Variants in RBM18 observed in about 807,000 individuals in gnomAD.
RBM18 encodes probable RNA-binding protein 18.
In RBM18, 18 loss-of-function variants were observed where a neutral mutation model predicts 26.4. The ratio of observed to expected loss-of-function variants is 0.68; its 90% CI spans 0.47 to 1.01. The LOEUF is 1.01. Ranked by LOEUF, RBM18 falls within the 50% of genes least tolerant of loss-of-function variation. The pLI, the probability that RBM18 is intolerant of heterozygous loss-of-function variation, is 0.00. For synonymous variants in RBM18, 74 were observed against 81.1 expected (o/e 0.91, Z 0.47); for missense variants, 180 against 219.2 (o/e 0.82, Z 1.13).
rs1831525124 is a variant in RBM18 at position 122,247,599 on chromosome 9, TG to T, written c.245del (p.Ala82GlufsTer27). On this transcript the variant is annotated frameshift_variant, in exon 4 of 6. Coordinates refer to ENST00000417201, the MANE Select transcript of RBM18 (RefSeq NM_033117.4). LOFTEE classifies it high-confidence loss of function. ...CFVNFETKQE[A>X]EQAIQCLNGK... ...CATTGAGACACTGGATGGCTTGCTC[TG>T]CTTCCTGTCCAGGAAAGGGACAAAT... is the stretch of plus-strand genomic sequence containing the variant. 6.2e-7 allele frequency: 1 copy of T among 1,613,558 alleles called. No homozygotes were observed. Among genetic ancestry groups the T allele is most frequent in the Non-Finnish European group, 8.5e-7 (1 of 1,179,806 alleles).
In RBM18 at chr9:122,255,641, C is replaced by T. The variant is rs149834198; in HGVS notation, c.114-3668G>A. On this transcript the variant is annotated intron_variant, in intron 2 of 5. Transcript: ENST00000417201. ...CTTCCACTCCATTTCAATCACTTTC[C>T]TCATCTCTCAGACTCACTCATCAGT... Among the ~76,000 whole-genome samples, 430 of 152,284 alleles carry T rather than the reference C, an allele frequency of 2.8e-3. 4 individuals are homozygous for T. Among genetic ancestry groups the T allele is most frequent in the South Asian group, 0.019 (90 of 4,818 alleles).
rs34498348 is a variant in RBM18 at position 122,239,224 on chromosome 9, G to GT, written c.*2659dup. On this transcript the variant is annotated 3_prime_UTR_variant, in exon 6 of 6. Coordinates refer to ENST00000417201, the MANE Select transcript of RBM18 (RefSeq NM_033117.4). ...CTGATTTTTGACCTGTTTTGTTTTTGTTTTTTTTGAGACGGTGTCTCACTC... is the reference window on the plus strand; with the variant it reads ...CTGATTTTTGACCTGTTTTGTTTTTGTTTTTTTTTGAGACGGTGTCTCACTC... 0.26 allele frequency: 40,088 copies of GT among 151,404 alleles called. 5,560 individuals carry two copies. The highest frequency in any genetic ancestry group is 0.48 in the East Asian group (2,453 of 5,142). The allele number at this position is 151,404 out of a possible 1,614,324, so 9.4% of individuals were successfully genotyped here.
At chr9:122,248,992 G>C (rs1446291483) in intron 3 of RBM18, among the ~76,000 whole-genome samples, 1 of 152,202 alleles carries the variant, frequency 6.6e-6, no homozygotes, top group Non-Finnish European at 1.5e-5. Context: ...CAAAGCTAGA[G>C]TGACAGGTAA....
intron 2 of RBM18, among the ~76,000 whole-genome samples, chr9:122,259,175 A>C (rs373227382): frequency 5.3e-5 from 8 of 152,182 alleles, no homozygotes; most frequent in African/African-American, 1.4e-4. Context: ...CTTATGACAT[A>C]AACTGAGGTG....
At chr9:122,246,339 T>C (rs755105426) in intron 4 of RBM18, among the ~76,000 whole-genome samples, 9 of 151,922 alleles carry the variant, frequency 5.9e-5, no homozygotes, top group Non-Finnish European at 7.4e-5. Context: ...AAAAAGCAAA[T>C]ATAATATTGA....
Position 122,261,419 on chromosome 9 carries a change from T to C in RBM18, c.74A>G (p.His25Arg). 1.2e-6 allele frequency: 2 copies of C among 1,614,152 alleles called. No homozygotes were observed. The stretch of plus-strand genomic sequence containing the variant: ...GTCCAGGTTGCCAATCCATAATCGG[T>C]GTCCTTCCTGCAGAGAGCCCTCTGA... ...ILSEGSLQEG[H>R]RLWIGNLDPK... Residue 25 changes from histidine (H) to arginine (R), a missense_variant, in exon 2 of 6, where the codon CAC becomes CGC. Around this residue, in one of 3 missense-constraint regions of RBM18, gnomAD observed 49 missense variants for 56.6 expected, o/e 0.87. Transcript: ENST00000417201.
At chr9:122,258,431 G>A (rs781101384) in intron 2 of RBM18, among the ~76,000 whole-genome samples, 26 of 151,998 alleles carry the variant, frequency 1.7e-4, no homozygotes, top group Admixed American at 3.3e-4. Context: ...ACCACGCCTG[G>A]ATAATTTTTG....
chr9:122,251,916 G>C lies in RBM18; in HGVS notation c.171C>G (p.Leu57=), dbSNP rs1014927364. ...KFGKVKQFDF[L]FHKSGALEGQ... is the part of the protein sequence containing the mutation. ...CCTCCAAAGCACCTGACTTGTGGAA[G>C]AGGAAGTCAAACTGCTTTACCTTGC... Residue 57 remains leucine (L), a synonymous_variant, in exon 3 of 6, where the codon CTC becomes CTG. Transcript: ENST00000417201. The C allele has an allele frequency of 2.5e-6, 4 of 1,614,044 alleles. No individual in the cohort carries two copies. In the Admixed American group the frequency reaches 5.0e-5, roughly 20 times the overall value.
At chr9:122,253,531 G>A (rs143165480) in intron 2 of RBM18, among the ~76,000 whole-genome samples, 402 of 152,264 alleles carry the variant, frequency 2.6e-3, no homozygotes, top group African/African-American at 9.3e-3. Context: ...GACACCTTAA[G>A]TGCAAATGTG....
intron 1 of RBM18, among the ~76,000 whole-genome samples, chr9:122,262,929 A>G (rs1461371646): frequency 6.6e-6 from 1 of 152,156 alleles, no homozygotes; most frequent in Non-Finnish European, 1.5e-5. Context: ...TCTGAGCTTC[A>G]GTTTACCCAT....
chr9:122,241,434 T>C lies in RBM18; in HGVS notation c.*450A>G, dbSNP rs1020439179. 1 of 153,298 alleles carries C rather than the reference T, an allele frequency of 6.5e-6. No homozygotes were observed. The highest frequency in any genetic ancestry group is 6.5e-5 in the Admixed American group (1 of 15,336). The allele number at this position is 153,298 out of a possible 1,614,324, so 9.5% of individuals were successfully genotyped here. On this transcript the variant is annotated 3_prime_UTR_variant, in exon 6 of 6. Coordinates refer to ENST00000417201, the MANE Select transcript of RBM18 (RefSeq NM_033117.4). ...TCTGGAACAACAGTTCTGAACATGA[T>C]TTAAAATCTGTCTCTCACTTCCCTC...
intron 3 of RBM18, among the ~76,000 whole-genome samples, chr9:122,249,338 T>C (rs1831559921): frequency 6.6e-6 from 1 of 152,114 alleles, no homozygotes; most frequent in Admixed American, 6.5e-5. Flanking sequence ...GAGCCAGAAA[T>C]ATAAACTAGG....
intron 4 of RBM18, 48 bp downstream of exon 4, chr9:122,247,470 G>C (rs1364055358): frequency 2.7e-5 from 40 of 1,500,952 alleles, no homozygotes; most frequent in Non-Finnish European, 3.6e-5. Context: ...TCTTTCAGAA[G>C]GCTTGTTTAG....
intron 5 of RBM18, among the ~76,000 whole-genome samples, chr9:122,245,020 T>C (rs1831481373): frequency 6.6e-6 from 1 of 152,224 alleles, no homozygotes; most frequent in Non-Finnish European, 1.5e-5. Flanking sequence ...GGTTGGTGTG[T>C]AGTAGCTACA....
chr9:122,254,623 GT>G (rs1831660228), intron 2 of RBM18, among the ~76,000 whole-genome samples: 1 of 152,216 alleles, frequency 6.6e-6, no homozygotes. Context: ...AGTGTTTTCT[GT>G]AATTGGTCTT....
intron 5 of RBM18, among the ~76,000 whole-genome samples, chr9:122,242,358 A>G (rs1831434998): frequency 6.6e-6 from 1 of 152,212 alleles, no homozygotes; most frequent in Non-Finnish European, 1.5e-5. Flanking sequence ...GGTACTAAAA[A>G]TAATTCTTTT....
rs1288553364 is a variant in RBM18, at chr9:122,238,720, G to A, written c.*3164C>T. 6.6e-6 allele frequency: 1 copy of A among 152,214 alleles called. No individual in the cohort carries two copies. The highest frequency in any genetic ancestry group is 1.5e-5 in the Non-Finnish European group (1 of 68,038). The allele number at this position is 152,214 out of a possible 1,614,324, so 9.4% of individuals were successfully genotyped here. A position where few individuals can be genotyped will look rare whatever the true frequency, so the allele number is the denominator to read the frequency against. On this transcript the variant is annotated 3_prime_UTR_variant, in exon 6 of 6. Coordinates refer to ENST00000417201, the MANE Select transcript of RBM18 (RefSeq NM_033117.4). ...CTAGGCTGTGATGGAAAGCCACAAAGAAGAGAATCACATTTTAAAATAATT... is the reference window on the plus strand; with the variant it reads ...CTAGGCTGTGATGGAAAGCCACAAAAAAGAGAATCACATTTTAAAATAATT...
intron 2 of RBM18, among the ~76,000 whole-genome samples, chr9:122,254,667 T>C (rs1043680220): frequency 2.0e-5 from 3 of 152,222 alleles, no homozygotes; most frequent in Non-Finnish European, 4.4e-5. Context: ...GGCACAGAAA[T>C]AATTAATCTA....
In RBM18 at chr9:122,248,578, A is replaced by C. The variant is rs529203815; in HGVS notation, c.241-974T>G. Among the ~76,000 whole-genome samples, 3 of 152,346 alleles carry C rather than the reference A, an allele frequency of 2.0e-5. No individual in the cohort carries two copies. In the East Asian group the frequency reaches 5.8e-4, roughly 29 times the overall value. On this transcript the variant is annotated intron_variant, in intron 3 of 5. Coordinates refer to ENST00000417201, the MANE Select transcript of RBM18 (RefSeq NM_033117.4). ...GTCAATCTATGCACCTGGTTTTCAG[A>C]GCCGAAAGTTCCTTGACCCTTTCCC...
Sources: gnomAD v4.1 joint callset for allele counts (sites outside exome capture counted in the v4.1 genomes callset) on GRCh38, gnomAD v4.1.1 for gene constraint, gnomAD v4.1.1 regional missense constraint, MANE v1.5 for transcripts, NCBI Gene and HGNC (gene_info 2026-07-23, HGNC 2026-07-21) for gene names.